The following CSTPP1 variants were observed in gnomAD, a reference collection of about 807,000 sequenced individuals.
CSTPP1 encodes centriolar satellite-associated tubulin polyglutamylase complex regulator 1, also known as UPF0705 protein C11orf49.
the CSTPP1 span, chr11:47,158,128 G>A: frequency 1.7e-6 from 1 of 572,126 alleles, no homozygotes; most frequent in Non-Finnish European, 3.1e-6. Context: ...AGCCCTCCCT[G>A]CCTGCAGCCC....
At chr11:47,146,430 A>G in the CSTPP1 span, among the ~76,000 whole-genome samples, 1 of 152,152 alleles carries the variant, frequency 6.6e-6, no homozygotes, top group Non-Finnish European at 1.5e-5. Context: ...ATCTCAGTAG[A>G]AAAATAGTCC....
At chr11:47,052,292 T>C in the CSTPP1 span, 11 of 1,447,202 alleles carry the variant, frequency 7.6e-6, no homozygotes, top group African/African-American at 1.6e-4. Flanking sequence ...AAATTCCCCG[T>C]TTTTGGCAGT....
chr11:47,059,428 A>T, the CSTPP1 span, among the ~76,000 whole-genome samples: 1 of 152,210 alleles, frequency 6.6e-6, no homozygotes, highest in East Asian at 1.9e-4. Context: ...TTAGAGCCAC[A>T]CATAAGATTC....
the CSTPP1 span, among the ~76,000 whole-genome samples, chr11:47,115,420 T>G: frequency 1.3e-5 from 2 of 152,176 alleles, no homozygotes; most frequent in African/African-American, 2.4e-5. Flanking sequence ...AGCTCCTCTT[T>G]GTACCTCTGG....
chr11:47,072,899 C>T, the CSTPP1 span, among the ~76,000 whole-genome samples: 1 of 152,088 alleles, frequency 6.6e-6, no homozygotes, highest in Non-Finnish European at 1.5e-5. Flanking sequence ...ATATTCTAGG[C>T]AGACACTGAA....
the CSTPP1 span, among the ~76,000 whole-genome samples, chr11:47,115,357 G>A: frequency 2.6e-5 from 4 of 152,180 alleles, no homozygotes; most frequent in Admixed American, 1.3e-4. Context: ...AATGAGTTAG[G>A]GAGGATTCCC....
chr11:46,977,590 A>C, the CSTPP1 span, among the ~76,000 whole-genome samples: 1 of 152,264 alleles, frequency 6.6e-6, no homozygotes, highest in Non-Finnish European at 1.5e-5. Context: ...ATGCAAGAGC[A>C]CAACAGAACC....
chr11:47,012,504 AGATAGGG>A, the CSTPP1 span, among the ~76,000 whole-genome samples: 1 of 152,186 alleles, frequency 6.6e-6, no homozygotes, highest in Admixed American at 6.5e-5. Context: ...AAGAGAAAAA[AGATAGGG>A]GATAGGGGAT....
chr11:47,139,041 A>G, the CSTPP1 span, among the ~76,000 whole-genome samples: 1 of 150,370 alleles, frequency 6.7e-6, no homozygotes, highest in African/African-American at 2.4e-5. Context: ...ATGGACGTAC[A>G]GCAAAAATCA....
At chr11:46,973,928 C>T in the CSTPP1 span, among the ~76,000 whole-genome samples, 2 of 152,094 alleles carry the variant, frequency 1.3e-5, no homozygotes, top group East Asian at 1.9e-4. Flanking sequence ...TCCTTAGAAA[C>T]GTACTTGCAG....
At chr11:47,049,756 G>C in the CSTPP1 span, among the ~76,000 whole-genome samples, 4 of 151,488 alleles carry the variant, frequency 2.6e-5, no homozygotes, top group African/African-American at 7.3e-5. Flanking sequence ...CAGCCTCTGA[G>C]TAGAACTACA....
chr11:46,957,662 AT>A, the CSTPP1 span, among the ~76,000 whole-genome samples: 1 of 152,174 alleles, frequency 6.6e-6, no homozygotes, highest in Non-Finnish European at 1.5e-5. Flanking sequence ...ATTCATGTAT[AT>A]CAGTTCTGAG....
chr11:47,086,232 T>G, the CSTPP1 span, among the ~76,000 whole-genome samples: 1 of 31,768 alleles, frequency 3.1e-5, no homozygotes. Context: ...CTACTAAAAA[T>G]CCAAAAAAAA....
chr11:46,996,538 G>A, the CSTPP1 span, among the ~76,000 whole-genome samples: 5 of 152,054 alleles, frequency 3.3e-5, no homozygotes, highest in Middle Eastern at 3.4e-3. Context: ...TCCTGACCTC[G>A]TGATCCGCCC....
the CSTPP1 span, among the ~76,000 whole-genome samples, chr11:47,064,603 G>A: frequency 2.0e-5 from 3 of 152,086 alleles, no homozygotes; most frequent in Non-Finnish European, 4.4e-5. Context: ...GGTACCCTTT[G>A]CACCCTTGTC....
the CSTPP1 span, among the ~76,000 whole-genome samples, chr11:47,130,273 A>G: frequency 6.6e-6 from 1 of 151,962 alleles, no homozygotes; most frequent in Non-Finnish European, 1.5e-5. Flanking sequence ...AAAAAACCAA[A>G]AAAAAACTAA....
the CSTPP1 span, among the ~76,000 whole-genome samples, chr11:47,059,157 C>T: frequency 6.6e-6 from 1 of 152,100 alleles, no homozygotes; most frequent in Admixed American, 6.5e-5. Context: ...ACACGATGGA[C>T]ACAGGGAGGA....
At chr11:47,161,963 C>T in the CSTPP1 span, 1 of 1,068,168 alleles carries the variant, frequency 9.4e-7, no homozygotes, top group Non-Finnish European at 1.1e-6. Context: ...GAGCCAGCCT[C>T]TGCGGGTCCC....
the CSTPP1 span, among the ~76,000 whole-genome samples, chr11:47,056,881 A>G: frequency 1.4e-4 from 21 of 152,344 alleles, no homozygotes; most frequent in African/African-American, 5.1e-4. Flanking sequence ...TCTTCTGCAG[A>G]TAACTTCCTT....
Sources: gnomAD v4.1 joint callset for allele counts (sites outside exome capture counted in the v4.1 genomes callset) on GRCh38, gnomAD v4.1.1 for gene constraint, MANE v1.5 for transcripts, NCBI Gene and HGNC (gene_info 2026-07-23, HGNC 2026-07-21) for gene names.